Variants in FANCM observed in about 807,000 individuals in gnomAD.
FANCM encodes the protein Fanconi anemia group M protein.
FANCM carries 140 observed loss-of-function variants against 199.5 expected under a neutral mutation model. The observed-to-expected ratio is 0.70, with a 90% CI of 0.61 to 0.81. The LOEUF is 0.81. Among genes scored for constraint, FANCM ranks in the 30% least tolerant of loss-of-function variants. FANCM has a pLI of 0.00. For synonymous variants in FANCM, 840 were observed against 836.8 expected, an observed-to-expected ratio of 1.00 and a Z score of -0.07; for missense variants, 2,410 against 2,421.4, an observed-to-expected ratio of 1.00 and a Z score of 0.10.
intron 16 of FANCM, among the ~76,000 whole-genome samples, chr14:45,182,331 C>T (rs1224471831): frequency 6.6e-6 from 1 of 152,086 alleles, no homozygotes; most frequent in Admixed American, 6.5e-5. Context: ...AAAAGAGTTT[C>T]AAGAAGTAAA....
intron 14 of FANCM, among the ~76,000 whole-genome samples, chr14:45,179,516 A>T (rs1888925095): frequency 1.3e-5 from 2 of 150,796 alleles, no homozygotes; most frequent in South Asian, 4.2e-4. Flanking sequence ...TGGAAGTCTT[A>T]GCTAGATCAC....
chr14:45,161,625 A>G (rs1437419636), intron 9 of FANCM, among the ~76,000 whole-genome samples: 2 of 152,112 alleles, frequency 1.3e-5, no homozygotes, highest in African/African-American at 4.8e-5. Context: ...CCAAAAATAC[A>G]AAAATTAGCT....
At position 45,181,635 on chromosome 14, in the gene FANCM, A is replaced by C. The variant is rs1313143328; in HGVS notation, c.4318-2A>C. On this transcript the variant is annotated splice_acceptor_variant, in intron 15 of 22. Transcript: ENST00000267430. LOFTEE classifies it high-confidence loss of function. Reference sequence around the variant, plus strand: ...GCCTTTTACTTTATTTACTTACTTTAGGATCAGAAAAATAGTGAAGTTGAT... The same window carrying C: ...GCCTTTTACTTTATTTACTTACTTTCGGATCAGAAAAATAGTGAAGTTGAT... 1 of 1,609,170 alleles carries C rather than the reference A, an allele frequency of 6.2e-7. No individual in the cohort carries two copies. Among genetic ancestry groups the C allele is most frequent in the South Asian group, 1.1e-5 (1 of 90,940 alleles).
chr14:45,175,676 C>G lies in FANCM; in HGVS notation c.2922C>G (p.Asp974Glu), dbSNP rs1888633712. The change falls in exon 14 of 23, where the codon GAC becomes GAG. Residue 974 changes from aspartate (D) to glutamate (E), a missense_variant. Physicochemically the swap from Asp to Glu is conservative, Grantham distance 45. Transcript: ENST00000267430. ...EEELYIVRTD[D>E]QFYNCHSLTK... ...AGCTTTATATTGTTAGAACAGATGA[C>G]CAATTTTATAATTGTCACTCATTGA... is the stretch of plus-strand genomic sequence containing the variant. 2.5e-6 allele frequency: 4 copies of G among 1,613,322 alleles called. No individual in the cohort carries two copies. In the African/African-American group the frequency reaches 4.0e-5, roughly 16 times the overall value.
chr14:45,157,461 A>G (rs373598539), intron 8 of FANCM, among the ~76,000 whole-genome samples: 4 of 152,166 alleles, frequency 2.6e-5, no homozygotes, highest in Non-Finnish European at 4.4e-5. Flanking sequence ...GACAAGTAAA[A>G]TGTTAGAGAA....
Position 45,154,020 on chromosome 14 carries a change from TCTTC to T in FANCM, c.1155_1158del (p.Leu386ValfsTer10). ...CAAATGGGAATGAGATCATTATATT[TCTTC>T]CTTTGTGGAATTATGGATGGAACTA... On this transcript the variant is annotated frameshift_variant, in exon 6 of 23. Transcript: ENST00000267430. LOFTEE classifies it high-confidence loss of function. The T allele has an allele frequency of 1.3e-6, 2 of 1,571,378 alleles. No homozygotes were observed. The highest frequency in any genetic ancestry group is 1.8e-6 in the Non-Finnish European group (2 of 1,141,126).
intron 9 of FANCM, 96 bp downstream of exon 9, chr14:45,159,376 ACTT>A (rs766743890): frequency 6.1e-6 from 5 of 813,068 alleles, no homozygotes; most frequent in East Asian, 2.7e-5. Flanking sequence ...TCAATTAGCT[ACTT>A]AAAAAGAATT....
At chr14:45,197,554 T>A (rs1051141250) in intron 21 of FANCM, among the ~76,000 whole-genome samples, 1 of 150,402 alleles carries the variant, frequency 6.6e-6, no homozygotes. Context: ...AACCTCCACC[T>A]CCCGGGTTCA....
chr14:45,162,639 C>A (rs1363899680), intron 9 of FANCM, among the ~76,000 whole-genome samples: 1 of 152,086 alleles, frequency 6.6e-6, no homozygotes, highest in African/African-American at 2.4e-5. Context: ...AGCACACTTT[C>A]AGTAGCAGTC....
At chr14:45,187,921 G>A (rs1889508850) in intron 19 of FANCM, 34 bp downstream of exon 19, 2 of 1,037,380 alleles carry the variant, frequency 1.9e-6, no homozygotes, top group African/African-American at 1.6e-5. Context: ...GAGAATTTCT[G>A]GATGATGATG....
intron 21 of FANCM, among the ~76,000 whole-genome samples, chr14:45,197,851 C>T (rs1890153327): frequency 1.3e-5 from 2 of 151,698 alleles, no homozygotes. Context: ...GCAACCTCCG[C>T]CTCCTGTGTT....
chr14:45,161,220 T>C (rs369935074), intron 9 of FANCM, among the ~76,000 whole-genome samples: 3 of 152,366 alleles, frequency 2.0e-5, no homozygotes, highest in East Asian at 3.9e-4. Context: ...TTTTAAAGTA[T>C]GCCAAAGTAA....
In FANCM at chr14:45,170,944, AATT is replaced by A. The variant is rs796642842; in HGVS notation, c.2160+199_2160+201del. On this transcript the variant is annotated intron_variant, in intron 12 of 22. Transcript: ENST00000267430. Reference sequence around the variant, plus strand: ...TAAAGTCTAAGTTTACAAAACTACTAATTTTCTTCTATTATTTATTGTATATAT... The same window carrying A: ...TAAAGTCTAAGTTTACAAAACTACTATTCTTCTATTATTTATTGTATATAT... Among the ~76,000 whole-genome samples the A allele has an allele frequency of 6.2e-4, 94 of 152,180 alleles. 1 individual carries two copies. The highest frequency in any genetic ancestry group is 2.0e-3 in the African/African-American group (81 of 41,532).
At chr14:45,167,421 T>G (rs1340773234) in intron 11 of FANCM, 3 of 433,808 alleles carry the variant, frequency 6.9e-6, no homozygotes, top group Non-Finnish European at 1.2e-5. Context: ...CCATAAAGTT[T>G]AGAAAAGAAA....
Position 45,175,684 on chromosome 14 carries a change from A to G in FANCM, c.2930A>G (p.Tyr977Cys), listed in dbSNP as rs1447669320. 3 of 1,613,626 alleles carry G rather than the reference A, an allele frequency of 1.9e-6. No individual in the cohort carries two copies. Among genetic ancestry groups the G allele is most frequent in the Non-Finnish European group, 1.7e-6 (2 of 1,179,644 alleles). ...ATTGTTAGAACAGATGACCAATTTT[A>G]TAATTGTCACTCATTGACAAAAGAG... Reference protein sequence around the residue: ...LYIVRTDDQFYNCHSLTKEVL... With the variant: ...LYIVRTDDQFCNCHSLTKEVL... The change falls in exon 14 of 23, where the codon TAT (tyrosine) becomes TGT (cysteine). Residue 977 changes from tyrosine (Y) to cysteine (C), a missense_variant. Physicochemically the swap from Tyr to Cys is radical, Grantham distance 194. Transcript: ENST00000267430.
chr14:45,148,770 T>C (rs1370910461), intron 3 of FANCM, 67 bp from the exon 4 acceptor site: 2 of 1,033,630 alleles, frequency 1.9e-6, no homozygotes, highest in East Asian at 4.9e-5. Flanking sequence ...ATTTTATTTC[T>C]GTTAGTGACT....
rs537256512 is a variant in FANCM, at chr14:45,157,363, G to A, written c.1397-1733G>A. 5.9e-5 allele frequency among the ~76,000 whole-genome samples: 9 copies of A among 152,252 alleles called. No homozygotes were observed. The South Asian group carries it at 1.9e-3, about 32-fold the overall frequency. ...ATGTGATTATCAGGACAACAGTTTAGAGATATACAGAGGAGGGTCCAGAAT... is the reference window on the plus strand; with the variant it reads ...ATGTGATTATCAGGACAACAGTTTAAAGATATACAGAGGAGGGTCCAGAAT... On this transcript the variant is annotated intron_variant, in intron 8 of 22. Coordinates refer to ENST00000267430, the MANE Select transcript of FANCM (RefSeq NM_020937.4).
chr14:45,162,931 T>C (rs952651983), intron 9 of FANCM, among the ~76,000 whole-genome samples: 7 of 152,196 alleles, frequency 4.6e-5, no homozygotes, highest in African/African-American at 1.7e-4. Context: ...GTTGGCTTAA[T>C]GTCAGTACAA....
intron 20 of FANCM, 27 bp downstream of exon 20, chr14:45,189,389 CT>C: frequency 6.7e-7 from 1 of 1,496,112 alleles, no homozygotes; most frequent in Non-Finnish European, 9.3e-7. Context: ...GGAAAAATAT[CT>C]TTAGATGGTT....
Sources: gnomAD v4.1 joint callset for allele counts (sites outside exome capture counted in the v4.1 genomes callset) on GRCh38, gnomAD v4.1.1 for gene constraint, MANE v1.5 for transcripts, NCBI Gene and HGNC (gene_info 2026-07-23, HGNC 2026-07-21) for gene names.